LMX1B: variants seen among roughly 807,000 people sequenced by gnomAD.
LMX1B encodes the protein LIM homeobox transcription factor 1-beta.
LMX1B carries 12 observed loss-of-function variants against 51.4 expected under a neutral mutation model. The ratio of observed to expected loss-of-function variants is 0.23; its 90% CI spans 0.15 to 0.38. LMX1B has a LOEUF of 0.38. LMX1B is among the 10% of genes least tolerant of loss of function. The pLI, the probability that LMX1B is intolerant of heterozygous loss-of-function variation, is 1.00. For missense variants in LMX1B, 445 were observed against 571.1 expected (o/e 0.78, Z 2.25); for synonymous variants, 237 against 235.4 (o/e 1.01, Z -0.06).
At chr9:126,643,575 G>A (rs915550967) in intron 2 of LMX1B, among the ~76,000 whole-genome samples, 7 of 152,278 alleles carry the variant, frequency 4.6e-5, no homozygotes, top group Middle Eastern at 3.4e-3. Flanking sequence ...AACAAATTAG[G>A]TGTACATAGC....
At chr9:126,639,664 T>A (rs2118878477) in intron 2 of LMX1B, among the ~76,000 whole-genome samples, 1 of 152,294 alleles carries the variant, frequency 6.6e-6, no homozygotes, top group East Asian at 1.9e-4. Context: ...CAGTCTCCCC[T>A]GGCCCTGCCT....
At chr9:126,687,999 G>C (rs531394111) in intron 2 of LMX1B, among the ~76,000 whole-genome samples, 1 of 152,332 alleles carries the variant, frequency 6.6e-6, no homozygotes, top group South Asian at 2.1e-4. Flanking sequence ...AATTGGGAGT[G>C]AGTATTTCAT....
At chr9:126,690,722 C>T in intron 2 of LMX1B, 114 bp from the exon 3 acceptor site, 1 of 878,402 alleles carries the variant, frequency 1.1e-6, no homozygotes, top group Non-Finnish European at 1.8e-6. Flanking sequence ...GAGGGCCTCT[C>T]CCTCCCACCT....
At chr9:126,680,405 G>C (rs1283854367) in intron 2 of LMX1B, among the ~76,000 whole-genome samples, 2 of 152,226 alleles carry the variant, frequency 1.3e-5, no homozygotes, top group East Asian at 3.8e-4. Context: ...CTCTAGCAAA[G>C]AGAGTGATGT....
intron 2 of LMX1B, among the ~76,000 whole-genome samples, chr9:126,632,164 G>A (rs966156210): frequency 7.2e-5 from 11 of 152,206 alleles, no homozygotes; most frequent in Admixed American, 2.0e-4. Flanking sequence ...TGGGGAGAGC[G>A]AGATGAGATG....
At chr9:126,633,177 G>T (rs1244181551) in intron 2 of LMX1B, among the ~76,000 whole-genome samples, 3 of 152,218 alleles carry the variant, frequency 2.0e-5, no homozygotes. Context: ...CCGTCCTCCA[G>T]GCTTGGATCT....
chr9:126,631,591 G>A (rs571963045), intron 2 of LMX1B, among the ~76,000 whole-genome samples: 66 of 152,220 alleles, frequency 4.3e-4, no homozygotes, highest in Non-Finnish European at 6.9e-4. Flanking sequence ...TGGGGATAGG[G>A]GCGAGGGCAG....
At chr9:126,661,848 C>A (rs1047354988) in intron 2 of LMX1B, among the ~76,000 whole-genome samples, 2 of 152,210 alleles carry the variant, frequency 1.3e-5, no homozygotes, top group Non-Finnish European at 2.9e-5. Flanking sequence ...GCCTGCAGCG[C>A]CCCCTGGCCC....
At chr9:126,614,655 A>C (rs2118819871) in intron 1 of LMX1B, 67 bp downstream of exon 1, 1 of 1,445,208 alleles carries the variant, frequency 6.9e-7, no homozygotes, top group East Asian at 2.7e-5. Flanking sequence ...GGCTGTGGAC[A>C]CGGGCGTTGG....
intron 2 of LMX1B, among the ~76,000 whole-genome samples, chr9:126,665,403 G>A (rs1048005634): frequency 2.6e-4 from 40 of 152,190 alleles, no homozygotes; most frequent in Admixed American, 1.0e-3. Flanking sequence ...ATTGAGTCTC[G>A]GTTTCCTTAA....
intron 2 of LMX1B, among the ~76,000 whole-genome samples, chr9:126,665,535 A>G (rs1836325761): frequency 6.6e-6 from 1 of 152,054 alleles, no homozygotes; most frequent in Non-Finnish European, 1.5e-5. Context: ...GTGAGTCTGG[A>G]GGAGGCGGGA....
chr9:126,682,167 A>G (rs948705176), intron 2 of LMX1B, among the ~76,000 whole-genome samples: 1 of 143,398 alleles, frequency 7.0e-6, no homozygotes, highest in East Asian at 2.0e-4. Flanking sequence ...GGCTCAAGCA[A>G]TCTACAAGCC....
At chr9:126,683,234 T>G (rs1323752848) in intron 2 of LMX1B, among the ~76,000 whole-genome samples, 1 of 150,952 alleles carries the variant, frequency 6.6e-6, no homozygotes. Flanking sequence ...AGCGCGCCCG[T>G]CTCGCCGCGC....
chr9:126,696,755 T>G lies in LMX1B; in HGVS notation c.*304T>G, dbSNP rs2030353343. Reference sequence around the variant, plus strand: ...CGGCCTCCATCGCCTCCTCCCCATCTCTTTTTTGGGAAGCTTAAATTCTCT... The same window carrying G: ...CGGCCTCCATCGCCTCCTCCCCATCGCTTTTTTGGGAAGCTTAAATTCTCT... On this transcript the variant is annotated 3_prime_UTR_variant, in exon 8 of 8. Transcript: ENST00000373474. 7 of 498,838 alleles carry G rather than the reference T, an allele frequency of 1.4e-5. No individual in the cohort carries two copies. In the South Asian group the frequency reaches 1.4e-4, roughly 10 times the overall value. 30.9% of individuals were successfully genotyped at this position (498,838 alleles called of 1,614,324 possible).
At chr9:126,616,905 T>C (rs1765797266) in intron 2 of LMX1B, among the ~76,000 whole-genome samples, 1 of 152,224 alleles carries the variant, frequency 6.6e-6, no homozygotes, top group African/African-American at 2.4e-5. Flanking sequence ...CACCTAGCTC[T>C]TTCTTCCGGC....
intron 2 of LMX1B, among the ~76,000 whole-genome samples, chr9:126,621,906 T>C (rs1369992499): frequency 6.6e-6 from 1 of 152,180 alleles, no homozygotes; most frequent in Non-Finnish European, 1.5e-5. Context: ...GGCAACTTTC[T>C]TGGGTTTCAG....
intron 2 of LMX1B, among the ~76,000 whole-genome samples, chr9:126,640,142 G>C (rs545663996): frequency 9.2e-5 from 14 of 152,372 alleles, no homozygotes; most frequent in African/African-American, 3.4e-4. Flanking sequence ...TTAAAGATGT[G>C]TCCGTTGAAG....
At chr9:126,675,161 C>G (rs1171100136) in intron 2 of LMX1B, among the ~76,000 whole-genome samples, 2 of 141,556 alleles carry the variant, frequency 1.4e-5, no homozygotes, top group African/African-American at 6.1e-5. Context: ...TCCTCATTAC[C>G]AAAACAAAAC....
At chr9:126,657,265 G>T (rs1564157346) in intron 2 of LMX1B, among the ~76,000 whole-genome samples, 1 of 152,194 alleles carries the variant, frequency 6.6e-6, no homozygotes, top group Non-Finnish European at 1.5e-5. Context: ...ACTGTCTGAT[G>T]GTGAAGAGAA....
Sources: allele counts gnomAD v4.1 joint callset (sites outside exome capture counted in the v4.1 genomes callset), GRCh38; gene constraint gnomAD v4.1.1; transcripts MANE v1.5; gene names NCBI Gene and HGNC (gene_info 2026-07-23, HGNC 2026-07-21).